Variants in PIN4 observed in about 807,000 individuals in gnomAD.
PIN4 encodes the protein peptidylprolyl cis/trans isomerase, NIMA-interacting 4.
In PIN4, 3 loss-of-function variants were observed where a neutral mutation model predicts 8.3. The observed-to-expected ratio is 0.36, with a 90% confidence interval of 0.16 to 0.93. The LOEUF is 0.93. Among genes scored for constraint, PIN4 ranks in the 40% least tolerant of loss-of-function variants. The pLI is 0.44. For missense variants in PIN4, 75 were observed against 100.6 expected (o/e 0.75, Z 1.09); for synonymous variants, 18 against 32.5 (o/e 0.55, Z 1.52).
At position 72,252,495 on chromosome X, in the gene PIN4, T is replaced by TGCCTCA. The variant is rs374587865; in HGVS notation, c.313-10200_313-10195dup. Among the ~76,000 whole-genome samples, 280 of 111,084 alleles carry TGCCTCA rather than the reference T, an allele frequency of 2.5e-3. 1 individual carries two copies. Among genetic ancestry groups the TGCCTCA allele is most frequent in the African/African-American group, 8.7e-3 (265 of 30,551 alleles). On this transcript the variant is annotated intron_variant, in intron 3 of 3. Coordinates refer to the PIN4 transcript ENST00000423432. ...GCCTCCTGGGTTGAAGCAATTCTCC[T>TGCCTCA]GCCTCAGCCTCAGCCTCCCAAGTAA...
intron 3 of PIN4, 84 bp downstream of exon 3, chrX:72,196,988 T>C: frequency 1.2e-6 from 1 of 842,045 alleles, no homozygotes; most frequent in East Asian, 3.4e-5. Context: ...AGATAAAAAT[T>C]CTCCATCCTC....
At chrX:72,223,058 C>T (rs1423190344) in intron 3 of PIN4, among the ~76,000 whole-genome samples, 4 of 103,695 alleles carry the variant, frequency 3.9e-5, no homozygotes, top group Middle Eastern at 5.1e-3. Flanking sequence ...GAAGGTCAGC[C>T]GGGTGCAGTG....
chrX:72,252,570 A>C (rs1185820741), intron 3 of PIN4, among the ~76,000 whole-genome samples: 13 of 109,730 alleles, frequency 1.2e-4, no homozygotes, highest in African/African-American at 4.0e-4. Context: ...TTGTATTTTT[A>C]GTAGAGACAG....
chrX:72,263,586 A>C (rs1020007779), exon 4 of PIN4: 1 of 112,261 alleles, frequency 8.9e-6, no homozygotes, highest in African/African-American at 3.2e-5. Context: ...GACAGCCCAA[A>C]GAATTTGAAC....
At chrX:72,220,997 G>A (rs1285538615) in intron 3 of PIN4, among the ~76,000 whole-genome samples, 1 of 111,672 alleles carries the variant, frequency 9.0e-6, no homozygotes, top group Non-Finnish European at 1.9e-5. Context: ...AGGGTCTCTG[G>A]TCACCTGCCC....
intron 2 of PIN4, among the ~76,000 whole-genome samples, chrX:72,187,524 C>T (rs765701918): frequency 2.7e-5 from 3 of 111,829 alleles, no homozygotes; most frequent in Non-Finnish European, 3.8e-5. Flanking sequence ...ATGGGCCAGG[C>T]ACAATGGTTC....
In PIN4 at chrX:72,225,347, C is replaced by T. The variant is rs148966307; in HGVS notation, c.312+28443C>T. ...TCTCCCAGCTACATCTACAACCTAG[C>T]ATCTTGCTTCAGTACATGGATGATT... On this transcript the variant is annotated intron_variant, in intron 3 of 3. Transcript: ENST00000423432. 9.1e-3 allele frequency among the ~76,000 whole-genome samples: 1,016 copies of T among 111,999 alleles called. 10 individuals are homozygous for T. Among genetic ancestry groups the T allele is most frequent in the African/African-American group, 0.031 (954 of 30,781 alleles).
At chrX:72,255,549 C>A (rs760815726) in intron 3 of PIN4, 5 of 110,491 alleles carry the variant, frequency 4.5e-5, no homozygotes, top group South Asian at 3.9e-4. Context: ...ACCGCTCCCC[C>A]ACCTGATCTC....
rs2042821645 is a variant in PIN4, at chrX:72,206,534, G to A, written c.312+9630G>A. The A allele has an allele frequency of 3.3e-6, 4 of 1,211,072 alleles. No homozygotes were observed. In the East Asian group the frequency reaches 8.9e-5, roughly 27 times the overall value. ...TGAGGCTGTGGTTTATTCAATTTAG[G>A]GCATTTCTTCTTTGTTGAAGAAGGA... On this transcript the variant is annotated intron_variant, in intron 3 of 3. Transcript: ENST00000423432.
downstream of PIN4, among the ~76,000 whole-genome samples, chrX:72,201,349 T>TG (rs753543957): frequency 7.1e-4 from 80 of 112,371 alleles, no homozygotes; most frequent in Non-Finnish European, 1.2e-3. Flanking sequence ...CCCAGTTCTT[T>TG]GGGGGGCCGA....
intron 2 of PIN4, among the ~76,000 whole-genome samples, chrX:72,193,872 CA>C (rs757224920): frequency 0.03 from 1,413 of 47,340 alleles, 4 homozygotes; most frequent in Middle Eastern, 0.056. Context: ...GACTTCATCT[CA>C]AAAAAAAAAA....
At chrX:72,251,321 C>T (rs2147615899) in intron 3 of PIN4, among the ~76,000 whole-genome samples, 1 of 93,615 alleles carries the variant, frequency 1.1e-5, no homozygotes, top group Non-Finnish European at 2.0e-5. Context: ...CAAGATTGTG[C>T]CACTGCACTC....
Position 72,192,101 on chromosome X carries a change from A to G in PIN4, c.118-4684A>G, listed in dbSNP as rs748670774. ...CGAGTAGCTGGGATTACAGGCATCC[A>G]CCACCACTCCCGGCTAATTGTTTGT... On this transcript the variant is annotated intron_variant, in intron 2 of 3. Coordinates refer to ENST00000373669, the MANE Select transcript of PIN4 (RefSeq NM_006223.4). 5.4e-4 allele frequency among the ~76,000 whole-genome samples: 59 copies of G among 110,159 alleles called. 1 individual carries two copies. Among genetic ancestry groups the G allele is most frequent in the African/African-American group, 1.5e-3 (44 of 30,200 alleles).
At chrX:72,248,536 CCT>C (rs2043076006) in intron 3 of PIN4, among the ~76,000 whole-genome samples, 1 of 110,981 alleles carries the variant, frequency 9.0e-6, no homozygotes, top group East Asian at 2.8e-4. Flanking sequence ...ACAAGGAAAC[CCT>C]CTCTCCTAAA....
At chrX:72,232,296 A>T (rs1602452042) in intron 3 of PIN4, among the ~76,000 whole-genome samples, 1 of 90,763 alleles carries the variant, frequency 1.1e-5, no homozygotes, top group Non-Finnish European at 2.1e-5. Context: ...AAAAAAAAAA[A>T]AAGACAGCTG....
chrX:72,204,825 G>C (rs773090021), intron 3 of PIN4: 4 of 323,648 alleles, frequency 1.2e-5, no homozygotes, highest in Non-Finnish European at 2.1e-5. Context: ...ATATTCAAGT[G>C]AAGAAATATT....
At chrX:72,218,067 G>C (rs1322153464) in intron 3 of PIN4, among the ~76,000 whole-genome samples, 1 of 110,491 alleles carries the variant, frequency 9.1e-6, no homozygotes, top group East Asian at 2.9e-4. Context: ...TCAGGAGATC[G>C]AGACCATCCT....
At chrX:72,182,356 C>T (rs1172871119) in intron 1 of PIN4, among the ~76,000 whole-genome samples, 1 of 110,976 alleles carries the variant, frequency 9.0e-6, no homozygotes. Flanking sequence ...GCTTGGCCAA[C>T]ATGGCGAAAC....
At chrX:72,253,508 C>T (rs986719482) in intron 3 of PIN4, among the ~76,000 whole-genome samples, 3 of 111,415 alleles carry the variant, frequency 2.7e-5, no homozygotes, top group African/African-American at 9.8e-5. Flanking sequence ...CGCCTGTAGT[C>T]CCAGCTACTG....
Sources: gnomAD v4.1 joint callset for allele counts (sites outside exome capture counted in the v4.1 genomes callset) on GRCh38, gnomAD v4.1.1 for gene constraint, MANE v1.5 for transcripts, NCBI Gene and HGNC (gene_info 2026-07-23, HGNC 2026-07-21) for gene names.